The following CRAT variants were observed in gnomAD, a reference collection of about 807,000 sequenced individuals.
The protein encoded by CRAT is carnitine O-acetyltransferase, also known as carnitine acetylase.
Under a neutral mutation model 73.7 loss-of-function variants are expected in CRAT, and 66 were observed. The ratio of observed to expected loss-of-function variants is 0.90; its 90% confidence interval spans 0.73 to 1.10. The LOEUF is 1.10. Among genes scored for constraint, CRAT ranks in the 50% least tolerant of loss-of-function variants. The probability of loss-of-function intolerance (pLI) is 0.00; values close to 1 mark genes in which losing one functional copy is unlikely to be tolerated. For missense variants in CRAT, 745 were observed against 846.9 expected, an observed-to-expected ratio of 0.88 and a Z score of 1.49; for synonymous variants, 321 against 343.2, an observed-to-expected ratio of 0.94 and a Z score of 0.71.
Position 129,110,392 on chromosome 9 carries a change from G to A in CRAT, c.27+91C>T. ...TCAGCTGGAGGCCGGGTCGAACAGC[G>A]GCCGCAGGACGCGGTCTCCGTTCCC... On this transcript the variant is annotated intron_variant, in intron 1 of 13. Transcript: ENST00000318080. This position sits in a 1 kb window ranked among gnomAD's most constrained non-coding sequence, Gnocchi z 5.3. 2 of 1,343,812 alleles carry A rather than the reference G, an allele frequency of 1.5e-6. No homozygotes were observed. Among genetic ancestry groups the A allele is most frequent in the East Asian group, 3.0e-5 (1 of 33,888 alleles). The allele number at this position is 1,343,812 out of a possible 1,614,324, so 83.2% of individuals were successfully genotyped here.
At position 129,102,477 on chromosome 9, in the gene CRAT, G is replaced by A; in HGVS notation, c.553C>T (p.Pro185Ser). The A allele has an allele frequency of 6.2e-7, 1 of 1,614,176 alleles. No individual in the cohort carries two copies. Among genetic ancestry groups the A allele is most frequent in the Non-Finnish European group, 8.5e-7 (1 of 1,180,008 alleles). The change falls in exon 5 of 14, where the codon CCC becomes TCC. Residue 185 changes from proline (P) to serine (S), a missense_variant. Transcript: ENST00000318080. ...QILSSCRVPG[P>S]KQDTVSNFSK... ...AAGTTGCTGACTGTGTCCTGCTTGG[G>A]GCCCGGCACTCGGCAGGAGGACAAG...
rs1847792600 is a variant in CRAT, at chr9:129,103,109, G to C, written c.411-43C>G. The C allele has an allele frequency of 6.4e-7, 1 of 1,570,726 alleles. No individual in the cohort carries two copies. The highest frequency in any genetic ancestry group is 8.8e-7 in the Non-Finnish European group (1 of 1,140,822). On this transcript the variant is annotated intron_variant, in intron 3 of 13. Transcript: ENST00000318080. The surrounding 1 kb of genome is among the most constrained non-coding windows in gnomAD (Gnocchi z 4.6). ...AGATTAGAAGCTGCGTGGACACCCT[G>C]AGGGAGGCCCCGGGCTAGGGACACC...
chr9:129,105,852 G>A (rs918622993), intron 2 of CRAT, among the ~76,000 whole-genome samples: 14 of 152,198 alleles, frequency 9.2e-5, no homozygotes, highest in African/African-American at 3.1e-4. Flanking sequence ...TCCTCTCTCT[G>A]GGGGGTGGGG....
intron 1 of CRAT, chr9:129,108,497 A>T (rs1423388932): frequency 8.6e-7 from 1 of 1,156,764 alleles, no homozygotes; most frequent in Non-Finnish European, 1.1e-6. Flanking sequence ...GTTGAGAAAC[A>T]GAAGGGAAGA....
In CRAT at chr9:129,110,575, C is replaced by T; in HGVS notation, c.-66G>A. On this transcript the variant is annotated 5_prime_UTR_variant, in exon 1 of 14. Transcript: ENST00000318080. This position sits in a 1 kb window ranked among gnomAD's most constrained non-coding sequence, Gnocchi z 5.3. The stretch of plus-strand genomic sequence containing the variant: ...ACACACCGGGCAAAGTCCGCGCCGC[C>T]GCCGCCGCGGCTGGGGTCGGTGGGT... 1 of 1,412,606 alleles carries T rather than the reference C, an allele frequency of 7.1e-7. No individual in the cohort carries two copies. The highest frequency in any genetic ancestry group is 3.0e-5 in the East Asian group (1 of 33,504). 87.5% of individuals were successfully genotyped at this position (1,412,606 alleles called of 1,614,324 possible). A position where few individuals can be genotyped will look rare whatever the true frequency, so the allele number is the denominator to read the frequency against.
chr9:129,102,366 C>G, intron 5 of CRAT, 34 bp downstream of exon 5: 3 of 1,613,124 alleles, frequency 1.9e-6, no homozygotes, highest in Non-Finnish European at 2.5e-6. Context: ...TGCAGCAGGG[C>G]CGGGGCTTGT....
At chr9:129,108,156 C>T (rs1037747069) in intron 1 of CRAT, 79 bp from the exon 2 acceptor site, 94 of 1,466,982 alleles carry the variant, frequency 6.4e-5, no homozygotes, top group Non-Finnish European at 8.0e-5. Context: ...GTCCTGGGCA[C>T]TTAAGTGCCC....
chr9:129,102,397 C>T lies in CRAT; in HGVS notation c.630+3G>A, dbSNP rs936863650. 1.2e-6 allele frequency: 2 copies of T among 1,613,934 alleles called. No individual in the cohort carries two copies. Among genetic ancestry groups the T allele is most frequent in the African/African-American group, 2.7e-5 (2 of 74,926 alleles). ...CTTGTAGGTGTGGGTGGGGGCCACC[C>T]ACCTGGTAGTTGTGTACCACGGTGA... is the stretch of plus-strand genomic sequence containing the variant. On this transcript the variant is annotated splice_donor_region_variant and intron_variant, in intron 5 of 13. Coordinates refer to ENST00000318080, the MANE Select transcript of CRAT (RefSeq NM_000755.5).
chr9:129,100,682 C>T lies in CRAT; in HGVS notation c.813G>A (p.Val271=), dbSNP rs1312435064. The change falls in exon 7 of 14, where the codon GTG becomes GTA. Residue 271 remains valine (V), a synonymous_variant. Coordinates refer to ENST00000318080, the MANE Select transcript of CRAT (RefSeq NM_000755.5). ...KAYNTLIKDK[V]NRDSVRSIQK... is the part of the protein sequence containing the mutation. ...GGATGGAGCGCACGGAATCCCGGTT[C>T]ACCTTGTCTGCAGGTGGCATGGGGC... is the stretch of plus-strand genomic sequence containing the variant. 3 of 1,613,248 alleles carry T rather than the reference C, an allele frequency of 1.9e-6. No homozygotes were observed. The highest frequency in any genetic ancestry group is 2.5e-6 in the Non-Finnish European group (3 of 1,179,470).
chr9:129,105,485 T>A (rs1452620612), intron 2 of CRAT, among the ~76,000 whole-genome samples: 1 of 152,052 alleles, frequency 6.6e-6, no homozygotes, highest in Non-Finnish European at 1.5e-5. Flanking sequence ...CATGCCTGGC[T>A]CATTTTTGTA....
intron 5 of CRAT, 64 bp downstream of exon 5, chr9:129,102,336 C>T (rs549265893): frequency 1.9e-5 from 30 of 1,595,422 alleles, no homozygotes; most frequent in African/African-American, 4.0e-5. Flanking sequence ...AAGCCGACTG[C>T]GGCCGTCCGG....
chr9:129,110,530 C>G lies in CRAT; in HGVS notation c.-21G>C, dbSNP rs778854217. 3 of 1,578,508 alleles carry G rather than the reference C, an allele frequency of 1.9e-6. No individual in the cohort carries two copies. Among genetic ancestry groups the G allele is most frequent in the South Asian group, 1.2e-5 (1 of 86,906 alleles). On this transcript the variant is annotated 5_prime_UTR_variant, in exon 1 of 14. Transcript: ENST00000318080. The surrounding 1 kb of genome is among the most constrained non-coding windows in gnomAD (Gnocchi z 5.3). ...AACATCTTCGCTGCCCGTCCGCGGA[C>G]ACGCAGTCCGCTCCGCCCCACACAC...
In CRAT at chr9:129,103,318, TG is replaced by T. The variant is rs1374346946; in HGVS notation, c.411-253del. Among the ~76,000 whole-genome samples, 4 of 152,132 alleles carry T rather than the reference TG, an allele frequency of 2.6e-5. No individual in the cohort carries two copies. The East Asian group carries it at 7.7e-4, about 29-fold the overall frequency. ...TGGTGGCCAAGGGCCTAGTAGGACT[TG>T]GGTGCTGGCCCCCTGCAGCTGGAGT... On this transcript the variant is annotated intron_variant, in intron 3 of 13. Coordinates refer to ENST00000318080, the MANE Select transcript of CRAT (RefSeq NM_000755.5). The surrounding 1 kb of genome is among the most constrained non-coding windows in gnomAD (Gnocchi z 4.6).
At position 129,102,545 on chromosome 9, in the gene CRAT, T is replaced by A. The variant is rs1021255135; in HGVS notation, c.485A>T (p.Tyr162Phe). 3.7e-6 allele frequency: 6 copies of A among 1,613,948 alleles called. No homozygotes were observed. In the African/African-American group the frequency reaches 5.3e-5, roughly 14 times the overall value. Residue 162 changes from tyrosine to phenylalanine, a missense_variant, in exon 5 of 14, where the codon TAC (tyrosine) becomes TTC (phenylalanine). Physicochemically the swap from Tyr to Phe is conservative, Grantham distance 22. Coordinates refer to ENST00000318080, the MANE Select transcript of CRAT (RefSeq NM_000755.5). ...CATGCACAGTGGCTTCCCCCCCAGG[T>A]ACTCCACGGGCAGGGTCTCGCTATG... ...MIDNETLPVE[Y>F]LGGKPLCMNQ...
intron 11 of CRAT, 149 bp downstream of exon 11, chr9:129,097,864 G>C: frequency 1.7e-6 from 2 of 1,172,056 alleles, no homozygotes; most frequent in Non-Finnish European, 2.4e-6. Context: ...GAAGCTCAGA[G>C]CTAGATTCAC....
Position 129,110,500 on chromosome 9 carries a change from A to C in CRAT, c.10T>G (p.Phe4Val). 1.3e-6 allele frequency: 2 copies of C among 1,581,816 alleles called. No individual in the cohort carries two copies. The highest frequency in any genetic ancestry group is 1.7e-6 in the Non-Finnish European group (2 of 1,170,674). Residue 4 changes from phenylalanine (F) to valine (V), a missense_variant, in exon 1 of 14, where the codon TTC becomes GTC. By Grantham distance (50) the Phe-to-Val change is conservative. Coordinates refer to ENST00000318080, the MANE Select transcript of CRAT (RefSeq NM_000755.5). This position sits in a 1 kb window ranked among gnomAD's most constrained non-coding sequence, Gnocchi z 5.3. MLA[F>V]AARTVVKPLG... ...GCACTCACCACGGTCCTGGCAGCGA[A>C]GGCTAACATCTTCGCTGCCCGTCCG... is the stretch of plus-strand genomic sequence containing the variant.
At chr9:129,096,811 A>G (rs113016130) in intron 12 of CRAT, among the ~76,000 whole-genome samples, 6,167 of 152,204 alleles carry the variant, frequency 0.041, 406 homozygotes, top group African/African-American at 0.14. Context: ...GCTCACGCCT[A>G]TAATCCCAGC....
Position 129,100,599 on chromosome 9 carries a change from A to G in CRAT, c.896T>C (p.Val299Ala). ...DATMPRVSEDVYRSHVAGQML... is the reference protein window; with the variant it reads ...DATMPRVSEDAYRSHVAGQML... ...CTGGCCTGCCACGTGGCTGCGGTAC[A>G]CGTCTTCTGAGACCCTGGGCATGGT... The change falls in exon 7 of 14, where the codon GTG becomes GCG. Residue 299 changes from valine (V) to alanine (A), a missense_variant. Transcript: ENST00000318080. The G allele has an allele frequency of 6.2e-7, 1 of 1,613,996 alleles. No individual in the cohort carries two copies. Among genetic ancestry groups the G allele is most frequent in the Non-Finnish European group, 8.5e-7 (1 of 1,179,992 alleles).
At position 129,110,202 on chromosome 9, in the gene CRAT, T is replaced by C. The variant is rs1414613699; in HGVS notation, c.27+281A>G. Among the ~76,000 whole-genome samples, 3 of 151,922 alleles carry C rather than the reference T, an allele frequency of 2.0e-5. No individual in the cohort carries two copies. The highest frequency in any genetic ancestry group is 7.3e-5 in the African/African-American group (3 of 41,246). On this transcript the variant is annotated intron_variant, in intron 1 of 13. Transcript: ENST00000318080. This position sits in a 1 kb window ranked among gnomAD's most constrained non-coding sequence, Gnocchi z 5.3. ...CTGGTCTCTCTCCCCTACCGGCCTG[T>C]CTCTGGGTCTAAGGGTGGGGGTGCT...
Sources: allele counts gnomAD v4.1 joint callset (sites outside exome capture counted in the v4.1 genomes callset), GRCh38; gene constraint gnomAD v4.1.1; non-coding constraint Gnocchi (gnomAD v3.1); transcripts MANE v1.5; gene names NCBI Gene and HGNC (gene_info 2026-07-23, HGNC 2026-07-21).